The following RAD51B variants were observed in gnomAD, a reference collection of about 807,000 sequenced individuals.
RAD51B encodes the protein RAD51 paralog B.
RAD51B carries 38 observed loss-of-function variants against 42.2 expected under a neutral mutation model. The observed-to-expected ratio is 0.90, with a 90% CI of 0.70 to 1.18. The LOEUF (loss-of-function observed/expected upper bound fraction) is 1.18. Ranked by LOEUF, RAD51B falls within the 50% of genes most tolerant of loss-of-function variation. RAD51B has a pLI of 0.00. For synonymous variants in RAD51B, 154 were observed against 145.2 expected, an observed-to-expected ratio of 1.06 and a Z score of -0.43; for missense variants, 373 against 400.7, an observed-to-expected ratio of 0.93 and a Z score of 0.59.
intron 10 of RAD51B, among the ~76,000 whole-genome samples, chr14:68,622,912 C>T (rs749725168): frequency 1.3e-5 from 2 of 152,008 alleles, no homozygotes; most frequent in Admixed American, 6.6e-5. Context: ...TCAGACTGCA[C>T]CATGGAGAAC....
intron 4 of RAD51B, among the ~76,000 whole-genome samples, chr14:67,843,249 C>CCATT (rs35870034): frequency 0.39 from 58,162 of 149,270 alleles, 12,487 homozygotes; most frequent in African/African-American, 0.57. Context: ...TGTGCTGCAC[C>CCATT]AACTGGTCAT....
chr14:67,898,186 T>C (rs1258487856), intron 7 of RAD51B, among the ~76,000 whole-genome samples: 1 of 152,148 alleles, frequency 6.6e-6, no homozygotes, highest in Non-Finnish European at 1.5e-5. Flanking sequence ...TGTCCATCCA[T>C]GGATGAATGG....
chr14:68,418,881 T>C (rs1034443900), intron 9 of RAD51B, among the ~76,000 whole-genome samples: 1 of 152,212 alleles, frequency 6.6e-6, no homozygotes, highest in African/African-American at 2.4e-5. Flanking sequence ...GCCTAAACTA[T>C]GAACTGATTT....
At chr14:68,571,731 C>G (rs1279189643) in intron 10 of RAD51B, among the ~76,000 whole-genome samples, 1 of 152,208 alleles carries the variant, frequency 6.6e-6, no homozygotes, top group Admixed American at 6.5e-5. Flanking sequence ...GTTATTCTCC[C>G]TACCACATAT....
At chr14:67,840,648 A>C (rs1269798330) in intron 4 of RAD51B, among the ~76,000 whole-genome samples, 1 of 152,184 alleles carries the variant, frequency 6.6e-6, no homozygotes, top group Non-Finnish European at 1.5e-5. Context: ...GTATATATCC[A>C]GCAATGAGAT....
chr14:68,271,199 A>C (rs80201494), intron 7 of RAD51B, among the ~76,000 whole-genome samples: 1,666 of 152,330 alleles, frequency 0.011, 21 homozygotes, highest in African/African-American at 0.036. Flanking sequence ...ACTAGAATGT[A>C]AACTACAGGG....
intron 7 of RAD51B, among the ~76,000 whole-genome samples, chr14:68,166,152 G>C (rs2078745044): frequency 6.9e-6 from 1 of 145,120 alleles, no homozygotes; most frequent in Non-Finnish European, 1.5e-5. Flanking sequence ...GGAAGACCAG[G>C]TACATTATTT....
intron 10 of RAD51B, among the ~76,000 whole-genome samples, chr14:68,494,237 G>A (rs985408235): frequency 4.7e-5 from 7 of 147,684 alleles, no homozygotes; most frequent in East Asian, 4.0e-4. Flanking sequence ...CTGAGGTCAC[G>A]CCATTGCACT....
chr14:68,437,739 C>T (rs1403521933), intron 9 of RAD51B, among the ~76,000 whole-genome samples: 1 of 152,090 alleles, frequency 6.6e-6, no homozygotes, highest in Non-Finnish European at 1.5e-5. Flanking sequence ...TAGAGGGAAG[C>T]ATACAGGCAA....
At chr14:68,163,339 C>T (rs181624046) in intron 7 of RAD51B, among the ~76,000 whole-genome samples, 8 of 152,340 alleles carry the variant, frequency 5.3e-5, no homozygotes, top group Admixed American at 4.6e-4. Flanking sequence ...CCATTCCTTT[C>T]TCTGGTTCTT....
intron 9 of RAD51B, among the ~76,000 whole-genome samples, chr14:68,455,737 AT>A (rs143498005): frequency 3.7e-4 from 57 of 152,148 alleles, no homozygotes; most frequent in African/African-American, 7.5e-4. Context: ...TAAAAAAAAA[AT>A]TTTTTTTTAA....
chr14:68,100,121 T>C (rs1231228106), intron 7 of RAD51B, among the ~76,000 whole-genome samples: 1 of 152,206 alleles, frequency 6.6e-6, no homozygotes, highest in African/African-American at 2.4e-5. Context: ...AGTTTGTCCC[T>C]GTCTACATGG....
chr14:68,289,437 G>A (rs1026103900), intron 7 of RAD51B, among the ~76,000 whole-genome samples: 13 of 151,968 alleles, frequency 8.6e-5, no homozygotes, highest in Admixed American at 7.2e-4. Context: ...AGAAATGGCC[G>A]GGCATGGTGG....
At chr14:67,857,758 A>T (rs959522656) in intron 4 of RAD51B, 5 of 153,156 alleles carry the variant, frequency 3.3e-5, no homozygotes, top group Non-Finnish European at 5.9e-5. Context: ...TGCTGGACTT[A>T]TGACAGGGGT....
At chr14:67,821,863 A>G (rs8003431) in intron 1 of RAD51B, among the ~76,000 whole-genome samples, 49,220 of 151,988 alleles carry the variant, frequency 0.32, 8,314 homozygotes, top group Middle Eastern at 0.45. Flanking sequence ...ACACTAGGCA[A>G]TATTATAGCA....
chr14:67,896,584 G>T (rs2043426150), intron 7 of RAD51B, among the ~76,000 whole-genome samples: 1 of 152,166 alleles, frequency 6.6e-6, no homozygotes, highest in South Asian at 2.1e-4. Context: ...GCATTGTAGA[G>T]AAATTAGATC....
chr14:68,063,098 T>A (rs1030371160), intron 7 of RAD51B, among the ~76,000 whole-genome samples: 7 of 152,066 alleles, frequency 4.6e-5, no homozygotes, highest in Non-Finnish European at 8.8e-5. Context: ...TCTCCATTTT[T>A]TATTTTATTT....
intron 7 of RAD51B, among the ~76,000 whole-genome samples, chr14:68,119,940 G>A (rs2077618648): frequency 6.6e-6 from 1 of 150,452 alleles, no homozygotes; most frequent in Non-Finnish European, 1.5e-5. Context: ...CACCAACAGT[G>A]TAAAAGTGTT....
intron 11 of RAD51B, among the ~76,000 whole-genome samples, chr14:68,673,406 CACACAT>C (rs962701333): frequency 3.0e-4 from 35 of 118,548 alleles, no homozygotes; most frequent in Non-Finnish European, 4.1e-4. Context: ...CACACATACA[CACACAT>C]ACTGTATGCA....
Sources: allele counts gnomAD v4.1 joint callset (sites outside exome capture counted in the v4.1 genomes callset), GRCh38; gene constraint gnomAD v4.1.1; transcripts MANE v1.5; gene names NCBI Gene and HGNC (gene_info 2026-07-23, HGNC 2026-07-21).